The following CUX1 variants were observed in gnomAD, a reference collection of about 807,000 sequenced individuals.
CUX1 encodes cut like homeobox 1, also known as protein CASP.
A neutral mutation model predicts 158.8 loss-of-function variants in CUX1; 31 were observed. The observed-to-expected ratio is 0.20, with a 90% CI of 0.15 to 0.26. CUX1 has a LOEUF of 0.26. CUX1 is among the 10% of genes least tolerant of loss of function. CUX1 has a pLI of 1.00. For missense variants in CUX1, 1,589 were observed against 2,014.6 expected, an observed-to-expected ratio of 0.79 and a Z score of 4.04; for synonymous variants, 879 against 862.1, an observed-to-expected ratio of 1.02 and a Z score of -0.34.
At chr7:101,972,812 G>A (rs959464760) in intron 2 of CUX1, among the ~76,000 whole-genome samples, 6 of 152,150 alleles carry the variant, frequency 3.9e-5, no homozygotes, top group Non-Finnish European at 5.9e-5. Context: ...GAGGTGTCCC[G>A]GGAGCTCGCC....
intron 18 of CUX1, among the ~76,000 whole-genome samples, chr7:102,203,151 G>C (rs1050017411): frequency 6.6e-6 from 1 of 152,056 alleles, no homozygotes; most frequent in Non-Finnish European, 1.5e-5. Flanking sequence ...ATTTTTAGTC[G>C]AGTCAGGGTT....
intron 4 of CUX1, among the ~76,000 whole-genome samples, chr7:102,078,194 G>A (rs1267375520): frequency 6.6e-6 from 1 of 152,092 alleles, no homozygotes; most frequent in Non-Finnish European, 1.5e-5. Flanking sequence ...CCCTGCCTCA[G>A]CCTCCTGAGT....
chr7:101,981,809 C>T (rs936009355), intron 2 of CUX1, among the ~76,000 whole-genome samples: 2 of 152,098 alleles, frequency 1.3e-5, no homozygotes, highest in Non-Finnish European at 2.9e-5. Flanking sequence ...CGGGGTTTCA[C>T]CATGTTGGCC....
At chr7:101,851,456 G>A (rs1181897630) in intron 1 of CUX1, among the ~76,000 whole-genome samples, 2 of 151,904 alleles carry the variant, frequency 1.3e-5, no homozygotes, top group African/African-American at 4.8e-5. Context: ...GTTCTTCCTG[G>A]TTAACCTCTC....
At chr7:101,889,258 C>CA (rs55853593) in intron 1 of CUX1, among the ~76,000 whole-genome samples, 16,651 of 112,534 alleles carry the variant, frequency 0.15, 1,344 homozygotes, top group African/African-American at 0.23. Flanking sequence ...GACCCTGTCT[C>CA]AAAAAAAAAA....
intron 8 of CUX1, among the ~76,000 whole-genome samples, chr7:102,137,058 C>T (rs1371088728): frequency 3.9e-5 from 6 of 152,152 alleles, no homozygotes; most frequent in Non-Finnish European, 7.3e-5. Context: ...AAGTAGTGAA[C>T]GTGCACCCTG....
chr7:101,894,279 A>G (rs528155230), intron 1 of CUX1, among the ~76,000 whole-genome samples: 3 of 152,362 alleles, frequency 2.0e-5, no homozygotes, highest in Admixed American at 1.3e-4. Flanking sequence ...TCCAATCTGC[A>G]GAAAGACTGA....
rs1285424018 is a variant in CUX1, at chr7:102,252,163, T to A, written c.*3121T>A. On this transcript the variant is annotated 3_prime_UTR_variant, in exon 24 of 24. Transcript: ENST00000292535. ...AGAGATCCTAACCTTAGATCTTTGA[T>A]GTGAAGCTAGCACTGTCTGTAATAC... 1.0e-6 allele frequency: 1 copy of A among 985,318 alleles called. No individual in the cohort carries two copies. Among genetic ancestry groups the A allele is most frequent in the South Asian group, 4.7e-5 (1 of 21,290 alleles). The allele number at this position is 985,318 out of a possible 1,614,324, so 61.0% of individuals were successfully genotyped here.
chr7:101,909,332 C>A (rs1427860303), intron 1 of CUX1, among the ~76,000 whole-genome samples: 3 of 152,140 alleles, frequency 2.0e-5, no homozygotes. Flanking sequence ...GGGAAAATTG[C>A]TTGAGGCCAG....
intron 2 of CUX1, among the ~76,000 whole-genome samples, chr7:101,927,147 AACACACACACACACACAC>A (rs10584842): frequency 1.3e-5 from 2 of 149,608 alleles, no homozygotes; most frequent in East Asian, 4.0e-4. Flanking sequence ...CTGTCAACAC[AACACACACACACACACAC>A]ACACACACAC....
intron 1 of CUX1, among the ~76,000 whole-genome samples, chr7:101,865,966 C>T (rs187675582): frequency 8.6e-5 from 13 of 151,994 alleles, no homozygotes; most frequent in South Asian, 2.1e-4. Context: ...TTACAGCCTC[C>T]GGTCAAAAAA....
chr7:102,104,665 G>C (rs1313201570), intron 6 of CUX1, among the ~76,000 whole-genome samples: 1 of 152,158 alleles, frequency 6.6e-6, no homozygotes, highest in Non-Finnish European at 1.5e-5. Flanking sequence ...GCCGAGGTGG[G>C]TGGATCATGA....
chr7:101,881,868 A>G (rs2131563955), intron 1 of CUX1, among the ~76,000 whole-genome samples: 1 of 152,294 alleles, frequency 6.6e-6, no homozygotes, highest in South Asian at 2.1e-4. Flanking sequence ...CAGCCGAACC[A>G]TTCTATGGCA....
At chr7:102,194,235 G>T in intron 13 of CUX1, 1 of 264,066 alleles carries the variant, frequency 3.8e-6, no homozygotes. Context: ...TTTCCAAACT[G>T]GTAACTGAAG....
chr7:102,080,296 T>C (rs930835439), intron 4 of CUX1, among the ~76,000 whole-genome samples: 1 of 152,136 alleles, frequency 6.6e-6, no homozygotes, highest in African/African-American at 2.4e-5. Context: ...ACCGGGGTGG[T>C]CCTGGCACGC....
At chr7:102,043,861 G>C (rs754146257) in intron 3 of CUX1, among the ~76,000 whole-genome samples, 1 of 152,066 alleles carries the variant, frequency 6.6e-6, no homozygotes, top group East Asian at 1.9e-4. Flanking sequence ...ACTAGCACTC[G>C]TGTGTCTTTT....
intron 1 of CUX1, among the ~76,000 whole-genome samples, chr7:101,877,787 T>G (rs867848465): frequency 9.6e-6 from 1 of 104,338 alleles, no homozygotes; most frequent in African/African-American, 3.9e-5. Context: ...TGTGTGTGTG[T>G]GTGTGTGTGT....
intron 1 of CUX1, among the ~76,000 whole-genome samples, chr7:101,832,169 G>A (rs938427036): frequency 6.6e-6 from 1 of 152,196 alleles, no homozygotes; most frequent in Non-Finnish European, 1.5e-5. Context: ...GAACCAGGAG[G>A]GTGTGGTGGT....
At chr7:102,192,919 AATCCTGGGGACCTGG>A (rs782213590) in intron 12 of CUX1, among the ~76,000 whole-genome samples, 18 of 152,228 alleles carry the variant, frequency 1.2e-4, no homozygotes, top group Non-Finnish European at 2.5e-4. Context: ...AAACAGTAAT[AATCCTGGGGACCTGG>A]ACTCACTGAG....
Sources: gnomAD v4.1 joint callset for allele counts (sites outside exome capture counted in the v4.1 genomes callset) on GRCh38, gnomAD v4.1.1 for gene constraint, MANE v1.5 for transcripts, NCBI Gene and HGNC (gene_info 2026-07-23, HGNC 2026-07-21) for gene names.